The following CSGALNACT1 variants were observed in gnomAD, a reference collection of about 807,000 sequenced individuals.
CSGALNACT1 encodes chondroitin sulfate N-acetylgalactosaminyltransferase 1.
A neutral mutation model predicts 51.0 loss-of-function variants in CSGALNACT1; 52 were observed. That is an observed-to-expected ratio of 1.02 (90% CI 0.82 to 1.29). The LOEUF (loss-of-function observed/expected upper bound fraction) is 1.29, where lower values mean the gene tolerates loss of function less well. CSGALNACT1 is among the 50% of genes most tolerant of loss of function. The pLI is 0.00. For missense variants in CSGALNACT1, 935 were observed against 679.2 expected (o/e 1.38, Z -4.19); for synonymous variants, 341 against 254.4 (o/e 1.34, Z -3.24).
chr8:19,713,581 A>G (rs1048457533), intron 1 of CSGALNACT1, among the ~76,000 whole-genome samples: 1 of 152,178 alleles, frequency 6.6e-6, no homozygotes, highest in Non-Finnish European at 1.5e-5. Context: ...TGGTATCCTT[A>G]TGAGAACACA....
chr8:19,602,471 C>A (rs1211312451), exon 1 of CSGALNACT1: 1 of 152,634 alleles, frequency 6.6e-6, no homozygotes, highest in Admixed American at 6.5e-5. Flanking sequence ...CCGCACAACG[C>A]CGCTGGTGAG....
Position 19,467,632 on chromosome 8 carries a change from T to C in CSGALNACT1, c.635-8990A>G, listed in dbSNP as rs370313974. The stretch of plus-strand genomic sequence containing the variant: ...AATGCAAATGACCTGGTTAGTTTTT[T>C]TTTTTATTAATTTTTTTCGCATGGC... On this transcript the variant is annotated intron_variant, in intron 4 of 9. Coordinates refer to ENST00000454498, the Ensembl canonical transcript of CSGALNACT1. 3.9e-5 allele frequency among the ~76,000 whole-genome samples: 6 copies of C among 152,226 alleles called. No individual in the cohort carries two copies. In the East Asian group the frequency reaches 7.7e-4, roughly 20 times the overall value.
chr8:19,513,538 A>T (rs2078910365), intron 3 of CSGALNACT1, among the ~76,000 whole-genome samples: 1 of 150,956 alleles, frequency 6.6e-6, no homozygotes, highest in African/African-American at 2.4e-5. Context: ...ATCCACAATA[A>T]TCTATCTCTT....
At chr8:19,520,524 T>C (rs1440132208) in intron 3 of CSGALNACT1, among the ~76,000 whole-genome samples, 1 of 152,240 alleles carries the variant, frequency 6.6e-6, no homozygotes, top group African/African-American at 2.4e-5. Flanking sequence ...GTTAACTGAT[T>C]ATTATGGCAT....
chr8:19,603,466 TC>T (rs1157022991), upstream of CSGALNACT1, among the ~76,000 whole-genome samples: 1 of 152,158 alleles, frequency 6.6e-6, no homozygotes. Context: ...ACCACCCACT[TC>T]CGCCTCTGCC....
chr8:19,612,371 T>A (rs530875701), intron 1 of CSGALNACT1, among the ~76,000 whole-genome samples: 2 of 150,860 alleles, frequency 1.3e-5, no homozygotes, highest in East Asian at 3.9e-4. Context: ...AAAAAAAAAA[T>A]TCTCCATGAA....
rs144406633 is a variant in CSGALNACT1, at chr8:19,679,044, G to A, written c.-544+3429C>T. ...TGAATAAGGAAACAGTCTTACAAACGTTATGCAATCAATAGTGTAGAAAAA... is the reference window on the plus strand; with the variant it reads ...TGAATAAGGAAACAGTCTTACAAACATTATGCAATCAATAGTGTAGAAAAA... On this transcript the variant is annotated intron_variant, in intron 1 of 9. Transcript: ENST00000332246. Among the ~76,000 whole-genome samples, 179 of 152,190 alleles carry A rather than the reference G, an allele frequency of 1.2e-3. 1 individual carries two copies. Among genetic ancestry groups the A allele is most frequent in the African/African-American group, 4.1e-3 (170 of 41,504 alleles).
At chr8:19,593,090 CTG>C (rs1413820027) in intron 2 of CSGALNACT1, among the ~76,000 whole-genome samples, 1 of 152,182 alleles carries the variant, frequency 6.6e-6, no homozygotes, top group Non-Finnish European at 1.5e-5. Flanking sequence ...ATGTGGCACT[CTG>C]GAGTACAAGA....
At chr8:19,599,023 G>C (rs575415132) in intron 2 of CSGALNACT1, among the ~76,000 whole-genome samples, 1 of 152,180 alleles carries the variant, frequency 6.6e-6, no homozygotes, top group African/African-American at 2.4e-5. Flanking sequence ...ATGCTAGGTA[G>C]AGAGAGTGTG....
chr8:19,479,693 T>C (rs535716686), intron 4 of CSGALNACT1, among the ~76,000 whole-genome samples: 1 of 151,712 alleles, frequency 6.6e-6, no homozygotes, highest in South Asian at 2.1e-4. Context: ...TTAGGATTCC[T>C]CATTAAGTTC....
rs765414645 is a variant in CSGALNACT1, at chr8:19,624,728, G to C, written c.-543-22863C>G. 2.6e-5 allele frequency among the ~76,000 whole-genome samples: 4 copies of C among 151,144 alleles called. 1 individual carries two copies. The highest frequency in any genetic ancestry group is 5.9e-5 in the Non-Finnish European group (4 of 67,926). ...GAGTCTCGCTCTGTTGCCCAGGCTG[G>C]AGTGCAGTGGCGAGATCTCAGCTCA... is the stretch of plus-strand genomic sequence containing the variant. On this transcript the variant is annotated intron_variant, in intron 1 of 9. Transcript: ENST00000332246.
intron 1 of CSGALNACT1, among the ~76,000 whole-genome samples, chr8:19,729,620 A>C (rs2063580531): frequency 6.6e-6 from 1 of 152,188 alleles, no homozygotes; most frequent in Admixed American, 6.5e-5. Context: ...GGCCAATTGA[A>C]AGGCTTTAAT....
At chr8:19,428,665 A>G (rs2059156310) in intron 6 of CSGALNACT1, among the ~76,000 whole-genome samples, 2 of 152,176 alleles carry the variant, frequency 1.3e-5, no homozygotes, top group Non-Finnish European at 2.9e-5. Flanking sequence ...GTGCTTTTAC[A>G]TCATTAAGTA....
intron 4 of CSGALNACT1, among the ~76,000 whole-genome samples, chr8:19,473,250 G>C (rs908982475): frequency 6.6e-6 from 1 of 152,138 alleles, no homozygotes; most frequent in Non-Finnish European, 1.5e-5. Flanking sequence ...ATTGCTAGAG[G>C]ATTTTTTTGA....
At chr8:19,742,286 A>C (rs2064363994) in intron 1 of CSGALNACT1, among the ~76,000 whole-genome samples, 1 of 152,238 alleles carries the variant, frequency 6.6e-6, no homozygotes, top group South Asian at 2.1e-4. Flanking sequence ...CAGACATCTT[A>C]GACTTCAGAC....
At chr8:19,753,520 T>C (rs756579272) in intron 1 of CSGALNACT1, among the ~76,000 whole-genome samples, 1 of 152,230 alleles carries the variant, frequency 6.6e-6, no homozygotes, top group Non-Finnish European at 1.5e-5. Context: ...TGCTAGTTTT[T>C]GTTGTGGTTT....
At chr8:19,683,849 G>C (rs969427817), upstream of CSGALNACT1, among the ~76,000 whole-genome samples, 8 of 151,934 alleles carry the variant, frequency 5.3e-5, no homozygotes, top group Non-Finnish European at 1.0e-4. Context: ...CAGAGGGCAA[G>C]ACCACATTCT....
intron 3 of CSGALNACT1, among the ~76,000 whole-genome samples, chr8:19,543,874 A>T (rs1055835625): frequency 6.6e-6 from 1 of 152,214 alleles, no homozygotes; most frequent in African/African-American, 2.4e-5. Context: ...AACAAGTCCA[A>T]AAACAAAATA....
intron 1 of CSGALNACT1, among the ~76,000 whole-genome samples, chr8:19,755,471 A>AAAAAAAAAAAAAAAAAAAAAAAAAAAC (rs1262529031): frequency 6.9e-6 from 1 of 144,660 alleles, no homozygotes; most frequent in Non-Finnish European, 1.5e-5. Flanking sequence ...AAAAAAAAAA[A>AAAAAAAAAAAAAAAAAAAAAAAAAAAC]AAAAAAAAAA....
Sources: gnomAD v4.1 joint callset for allele counts (sites outside exome capture counted in the v4.1 genomes callset) on GRCh38, gnomAD v4.1.1 for gene constraint, MANE v1.5 for transcripts, NCBI Gene and HGNC (gene_info 2026-07-23, HGNC 2026-07-21) for gene names.